The following MXRA5 variants were observed in gnomAD, a reference collection of about 807,000 sequenced individuals.
MXRA5 encodes matrix remodeling associated 5, also known as matrix-remodeling-associated protein 5.
Under a neutral mutation model 112.5 loss-of-function variants are expected in MXRA5, and 41 were observed. The observed-to-expected ratio is 0.36, with a 90% CI of 0.28 to 0.47. The LOEUF is 0.47. Ranked by LOEUF, MXRA5 falls within the 20% of genes least tolerant of loss-of-function variation. MXRA5 has a pLI of 0.99. For missense variants in MXRA5, 2,150 were observed against 2,251.0 expected, an observed-to-expected ratio of 0.96 and a Z score of 0.91; for synonymous variants, 862 against 900.8, an observed-to-expected ratio of 0.96 and a Z score of 0.77.
intron 6 of MXRA5, among the ~76,000 whole-genome samples, chrX:3,313,875 C>G (rs1921026821): frequency 8.9e-6 from 1 of 112,043 alleles, no homozygotes; most frequent in African/African-American, 3.2e-5. Context: ...GGGTACATGG[C>G]TCTTCTGGAT....
At chrX:3,311,736 G>A in intron 6 of MXRA5, 112 bp from the exon 7 acceptor site, 1 of 625,448 alleles carries the variant, frequency 1.6e-6, no homozygotes, top group Non-Finnish European at 2.4e-6. Context: ...ATCAGCTCAG[G>A]TGGCTGCTAT....
In MXRA5 at chrX:3,310,933, C is replaced by T. The variant is rs201774813; in HGVS notation, c.7270G>A (p.Ala2424Thr). 1.5e-4 allele frequency: 187 copies of T among 1,209,742 alleles called. No individual in the cohort carries two copies. The highest frequency in any genetic ancestry group is 1.9e-4 in the Non-Finnish European group (168 of 895,230). Reference sequence around the variant, plus strand: ...CACACCGTCTTCCTATCCTCTCCCGCGCTGTTCCTGACCAAGCAGGTGTAG... The same window carrying T: ...CACACCGTCTTCCTATCCTCTCCCGTGCTGTTCCTGACCAAGCAGGTGTAG... The part of the protein sequence containing the change: ...GNYTCLVRNS[A>T]GEDRKTVWIH... The change falls in exon 7 of 7, where the codon GCG (alanine) becomes ACG (threonine). Residue 2424 changes from alanine (A) to threonine (T), a missense_variant. Physicochemically the swap from Ala to Thr is moderately conservative, Grantham distance 58 (BLOSUM62 0). Around this residue, in one of 6 missense-constraint regions of MXRA5, gnomAD observed 1,485 missense variants for 1,471.6 expected, o/e 1.01. Transcript: ENST00000217939.
rs41297269 is a variant in MXRA5, at chrX:3,323,368, T to G, written c.2317A>C (p.Met773Leu). 8.3e-7 allele frequency: 1 copy of G among 1,210,152 alleles called. No individual in the cohort carries two copies. The highest frequency in any genetic ancestry group is 2.2e-5 in the Admixed American group (1 of 45,731). Residue 773 changes from methionine to leucine, a missense_variant, in exon 5 of 7, where the codon ATG becomes CTG. Around this residue, in one of 6 missense-constraint regions of MXRA5, gnomAD observed 1,485 missense variants for 1,471.6 expected, o/e 1.01. Transcript: ENST00000217939. ...TCCGGATTAATCTGTTTGTTTGCCA[T>G]GTTTATCCTTCGTCTAGATTCAAAC... ...RVFESRRRINMANKQINPERW... is the reference protein window; with the variant it reads ...RVFESRRRINLANKQINPERW...
rs763948182 is a variant in MXRA5, at chrX:3,343,654, G to C, written c.180C>G (p.Ile60Met). 3.3e-6 allele frequency: 4 copies of C among 1,209,098 alleles called. No individual in the cohort carries two copies. The East Asian group carries it at 1.2e-4, about 36-fold the overall frequency. Reference sequence around the variant, plus strand: ...AAGAAAGTGGTACAAACCCCAAATTGATTCTTTCCACGTGTTTAGCAATGC... The same window carrying C: ...AAGAAAGTGGTACAAACCCCAAATTCATTCTTTCCACGTGTTTAGCAATGC... The part of the protein sequence containing the change: ...PAGIAKHVER[I>M]NLGFNSIQAL... The change falls in exon 2 of 7, where the codon ATC (isoleucine) becomes ATG (methionine). Residue 60 changes from isoleucine (I) to methionine (M), a missense_variant. Ile to Met is a conservative substitution (Grantham distance 10, BLOSUM62 1). This residue lies in a region of MXRA5 where 386 missense variants were observed against 411.0 expected (regional missense o/e 0.94). Coordinates refer to ENST00000217939, the MANE Select transcript of MXRA5 (RefSeq NM_015419.4).
chrX:3,318,606 C>G (rs1245821099), intron 5 of MXRA5, among the ~76,000 whole-genome samples: 2 of 112,251 alleles, frequency 1.8e-5, no homozygotes, highest in Non-Finnish European at 3.8e-5. Flanking sequence ...TTGGTACAAC[C>G]ACTGTGGAAA....
At chrX:3,344,157 C>CGAGAGAGAGAGAGAGAGAGA (rs377198782) in intron 1 of MXRA5, among the ~76,000 whole-genome samples, 1 of 96,285 alleles carries the variant, frequency 1.0e-5, no homozygotes. Flanking sequence ...CAGAGAGAGA[C>CGAGAGAGAGAGAGAGAGAGA]GAGAGAGAGA....
At position 3,339,950 on chromosome X, in the gene MXRA5, G is replaced by A. The variant is rs149830578; in HGVS notation, c.188+3696C>T. On this transcript the variant is annotated intron_variant, in intron 2 of 6. Transcript: ENST00000217939. Reference sequence around the variant, plus strand: ...ACAATATTTGCAAAATTATGTCTTCGGTTCCGGTTAATATCACAAGGCAGA... The same window carrying A: ...ACAATATTTGCAAAATTATGTCTTCAGTTCCGGTTAATATCACAAGGCAGA... Among the ~76,000 whole-genome samples the A allele has an allele frequency of 6.2e-4, 69 of 111,741 alleles. 1 individual carries two copies. Among genetic ancestry groups the A allele is most frequent in the Middle Eastern group, 4.6e-3 (1 of 219 alleles).
chrX:3,340,981 ATATATTATATATCATGTATAAT>A (rs1921904470), intron 2 of MXRA5, among the ~76,000 whole-genome samples: 1 of 83,120 alleles, frequency 1.2e-5, no homozygotes, highest in Non-Finnish European at 2.3e-5. Context: ...TATAATAGAT[ATATATTATATATCATGTATAAT>A]ATATATTATA....
chrX:3,311,769 A>T, intron 6 of MXRA5, 145 bp from the exon 7 acceptor site: 2 of 493,926 alleles, frequency 4.0e-6, no homozygotes, highest in Admixed American at 7.5e-5. Flanking sequence ...AGTGGTTTTT[A>T]CAGCCTGGAG....
At position 3,322,836 on chromosome X, in the gene MXRA5, C is replaced by T. The variant is rs1332240257; in HGVS notation, c.2849G>A (p.Gly950Glu). 8.3e-7 allele frequency: 1 copy of T among 1,209,668 alleles called. No homozygotes were observed. Among genetic ancestry groups the T allele is most frequent in the East Asian group, 3.0e-5 (1 of 33,746 alleles). The stretch of plus-strand genomic sequence containing the variant: ...ACTGGATGTGGGCTCTGGTGACGAT[C>T]CAACATCTGCTGCAGACCAACCCTC... ...ATEGWSAADV[G>E]SSPEPTSSEY... Residue 950 changes from glycine to glutamate, a missense_variant, in exon 5 of 7, where the codon GGA (glycine) becomes GAA (glutamate). By Grantham distance (98) the Gly-to-Glu change is moderately conservative (BLOSUM62 -2). Coordinates refer to ENST00000217939, the MANE Select transcript of MXRA5 (RefSeq NM_015419.4).
In MXRA5 at chrX:3,324,313, G is replaced by C. The variant is rs1489980280; in HGVS notation, c.1372C>G (p.Gln458Glu). 5.0e-6 allele frequency: 6 copies of C among 1,211,522 alleles called. No individual in the cohort carries two copies. In the Admixed American group the frequency reaches 8.7e-5, roughly 18 times the overall value. Residue 458 changes from glutamine (Q) to glutamate (E), a missense_variant, in exon 5 of 7, where the codon CAG becomes GAG. Transcript: ENST00000217939. ...AKKVLLSYYT[Q>E]YSQTISTKDT... is the part of the protein sequence containing the mutation. The stretch of plus-strand genomic sequence containing the variant: ...TTGGTGGATATTGTTTGAGAATACT[G>C]GGTGTAGTAGGAAAGTAGCACCTTC...
intron 5 of MXRA5, among the ~76,000 whole-genome samples, chrX:3,319,471 G>T (rs769560772): frequency 1.8e-5 from 2 of 112,486 alleles, no homozygotes; most frequent in Non-Finnish European, 3.8e-5. Flanking sequence ...TGAACTCCTC[G>T]GGCTAGCTGG....
chrX:3,317,797 C>T lies in MXRA5; in HGVS notation c.5884G>A (p.Val1962Ile), dbSNP rs751299706. Residue 1962 changes from valine to isoleucine, a missense_variant, in exon 6 of 7, where the codon GTC becomes ATC. Val to Ile is a conservative substitution (Grantham distance 29). Transcript: ENST00000217939. ...ILASHYQDVTVYLGDTIAMEC... is the reference protein window; with the variant it reads ...ILASHYQDVTIYLGDTIAMEC... The stretch of plus-strand genomic sequence containing the variant: ...ATTGCAATGGTGTCTCCCAGGTAGA[C>T]AGTGACGTCCTGGTAGTGGGAGGCT... The T allele has an allele frequency of 5.0e-5, 60 of 1,210,790 alleles. No homozygotes were observed. Among genetic ancestry groups the T allele is most frequent in the Non-Finnish European group, 6.4e-5 (57 of 895,113 alleles).
chrX:3,316,016 T>C (rs1194336062), intron 6 of MXRA5, among the ~76,000 whole-genome samples: 1 of 18,595 alleles, frequency 5.4e-5, no homozygotes, highest in Non-Finnish European at 1.0e-4. Flanking sequence ...AGAAGTTGAG[T>C]ATTTGTTCTG....
chrX:3,337,864 G>T (rs1213498242), intron 2 of MXRA5, among the ~76,000 whole-genome samples: 1 of 111,799 alleles, frequency 8.9e-6, no homozygotes, highest in Non-Finnish European at 1.9e-5. Flanking sequence ...CAAACTTGGG[G>T]GAAGGACTTC....
intron 4 of MXRA5, among the ~76,000 whole-genome samples, chrX:3,327,851 C>A (rs961328821): frequency 8.9e-6 from 1 of 112,979 alleles, no homozygotes; most frequent in Non-Finnish European, 1.9e-5. Context: ...TAATACTTTA[C>A]AATCTTGAGT....
chrX:3,340,947 C>G (rs1478826628), intron 2 of MXRA5, among the ~76,000 whole-genome samples: 5 of 81,362 alleles, frequency 6.1e-5, no homozygotes. Flanking sequence ...GTGCAAGAAG[C>G]ACCGCAAATA....
At chrX:3,338,445 T>A (rs1207365449) in intron 2 of MXRA5, among the ~76,000 whole-genome samples, 2 of 110,686 alleles carry the variant, frequency 1.8e-5, no homozygotes, top group African/African-American at 6.6e-5. Context: ...GGTACATAGA[T>A]AGATAGATAA....
chrX:3,311,357 C>T lies in MXRA5; in HGVS notation c.6846G>A (p.Gly2282=). ...ACTGCATGAAGGAGTTCACCAGACT[C>T]CCGTCTGGGAGGCTCCAGGAGATCT... ...NPEISWSLPD[G]SLVNSFMQSD... is the part of the protein sequence containing the mutation. The change falls in exon 7 of 7, where the codon GGG becomes GGA. Residue 2282 remains glycine (G), a synonymous_variant. Coordinates refer to ENST00000217939, the MANE Select transcript of MXRA5 (RefSeq NM_015419.4). The T allele has an allele frequency of 8.3e-7, 1 of 1,211,936 alleles. No individual in the cohort carries two copies. The highest frequency in any genetic ancestry group is 1.1e-6 in the Non-Finnish European group (1 of 895,518).
Sources: gnomAD v4.1 joint callset for allele counts (sites outside exome capture counted in the v4.1 genomes callset) on GRCh38, gnomAD v4.1.1 for gene constraint, gnomAD v4.1.1 regional missense constraint, MANE v1.5 for transcripts, NCBI Gene and HGNC (gene_info 2026-07-23, HGNC 2026-07-21) for gene names.